Variants in NPAS3 observed in about 807,000 individuals in gnomAD.
NPAS3 encodes the protein neuronal PAS domain-containing protein 3.
In NPAS3, 14 loss-of-function variants were observed where a neutral mutation model predicts 73.1. That is an observed-to-expected ratio of 0.19 (90% CI 0.13 to 0.30). NPAS3 has a LOEUF of 0.30. NPAS3 is among the 10% of genes least tolerant of loss of function. The pLI is 1.00. For missense variants in NPAS3, 1,096 were observed against 1,250.0 expected (o/e 0.88, Z 1.86); for synonymous variants, 620 against 541.5 (o/e 1.14, Z -2.01).
At chr14:32,952,329 A>G (rs2036517171) in intron 1 of NPAS3, among the ~76,000 whole-genome samples, 1 of 152,084 alleles carries the variant, frequency 6.6e-6, no homozygotes, top group Non-Finnish European at 1.5e-5. Context: ...TTTCCCCCTC[A>G]TCACTCATCA....
At chr14:33,556,546 G>A (rs1595147709) in intron 4 of NPAS3, among the ~76,000 whole-genome samples, 1 of 152,234 alleles carries the variant, frequency 6.6e-6, no homozygotes, top group East Asian at 1.9e-4. Context: ...TTAGATGCCA[G>A]CTAGAGAAAG....
intron 6 of NPAS3, among the ~76,000 whole-genome samples, chr14:33,688,390 CTTT>C (rs928602321): frequency 6.6e-6 from 1 of 151,962 alleles, no homozygotes; most frequent in Non-Finnish European, 1.5e-5. Flanking sequence ...CTGTGGGAAA[CTTT>C]TTTTTAAGAG....
chr14:33,544,788 T>TTATATATATATATATATATATATATA lies in NPAS3; in HGVS notation c.469-15310_469-15309insATATATATATATATATATATATATAT, dbSNP rs71406561. ...GCATGTATGTGTTTATGTGTGTGTATTATATATATATATATATATATATGT... is the reference window on the plus strand; with the variant it reads ...GCATGTATGTGTTTATGTGTGTGTATTATATATATATATATATATATATATATATATATATATATATATATATATGT... On this transcript the variant is annotated intron_variant, in intron 4 of 11. Coordinates refer to ENST00000356141, the Ensembl canonical transcript of NPAS3. 2.2e-3 allele frequency among the ~76,000 whole-genome samples: 137 copies of TTATATATATATATATATATATATATA among 63,194 alleles called. 5 individuals carry two copies. The highest frequency in any genetic ancestry group is 0.011 in the African/African-American group (129 of 11,522). 41.5% of individuals were successfully genotyped at this position (63,194 alleles called of 152,430 possible).
Position 33,063,070 on chromosome 14 carries a change from A to G in NPAS3, c.140+7076A>G, listed in dbSNP as rs1959182. Reference sequence around the variant, plus strand: ...GATCTGGCTTTGATCCTAGCCCCACAATTATCTGTTACATGTGGGACAGTG... The same window carrying G: ...GATCTGGCTTTGATCCTAGCCCCACGATTATCTGTTACATGTGGGACAGTG... On this transcript the variant is annotated intron_variant, in intron 2 of 11. Coordinates refer to ENST00000356141, the Ensembl canonical transcript of NPAS3. 1.1e-3 allele frequency among the ~76,000 whole-genome samples: 169 copies of G among 152,118 alleles called. 8 individuals are homozygous for G. The South Asian group carries it at 0.034, about 30-fold the overall frequency.
intron 5 of NPAS3, among the ~76,000 whole-genome samples, chr14:33,587,446 G>A (rs1402078274): frequency 6.6e-6 from 1 of 152,162 alleles, no homozygotes. Context: ...GGGTGTCTCA[G>A]TAGGTTCCCT....
chr14:33,037,473 C>A (rs2040206479), intron 1 of NPAS3, among the ~76,000 whole-genome samples: 3 of 145,932 alleles, frequency 2.1e-5, no homozygotes, highest in South Asian at 2.2e-4. Context: ...AGTGAGACCC[C>A]ATCTCAGCAA....
intron 1 of NPAS3, among the ~76,000 whole-genome samples, chr14:33,032,558 G>A (rs1476805722): frequency 6.6e-6 from 1 of 152,122 alleles, no homozygotes; most frequent in Non-Finnish European, 1.5e-5. Context: ...TGAAGTCCTG[G>A]CCAGGGAATT....
chr14:33,079,000 A>C (rs933082142), intron 2 of NPAS3, among the ~76,000 whole-genome samples: 8 of 152,196 alleles, frequency 5.3e-5, no homozygotes, highest in African/African-American at 1.9e-4. Flanking sequence ...CCCAAAGTAA[A>C]TGCATAACTG....
At chr14:33,685,268 A>G (rs2060058564) in intron 6 of NPAS3, among the ~76,000 whole-genome samples, 1 of 152,206 alleles carries the variant, frequency 6.6e-6, no homozygotes, top group Non-Finnish European at 1.5e-5. Context: ...CGTAAGTAGG[A>G]TAGCATCATA....
At position 33,708,242 on chromosome 14, in the gene NPAS3, G is replaced by A. The variant is rs965539001; in HGVS notation, c.734-26972G>A. ...CAAGGCGGTGTCCTCGGAAGAAACC[G>A]CACAGTGATAGAATAATAGCAAATT... On this transcript the variant is annotated intron_variant, in intron 6 of 11. Transcript: ENST00000356141. Among the ~76,000 whole-genome samples the A allele has an allele frequency of 5.3e-5, 8 of 152,112 alleles. No homozygotes were observed. The East Asian group carries it at 1.2e-3, about 22-fold the overall frequency.
chr14:33,696,400 G>A (rs1487644870), intron 6 of NPAS3, among the ~76,000 whole-genome samples: 3 of 152,144 alleles, frequency 2.0e-5, no homozygotes, highest in Non-Finnish European at 4.4e-5. Context: ...AAAATGAAAC[G>A]AGTATTTATT....
At chr14:33,744,747 G>A (rs556957398) in intron 7 of NPAS3, among the ~76,000 whole-genome samples, 12 of 151,746 alleles carry the variant, frequency 7.9e-5, no homozygotes, top group East Asian at 7.8e-4. Flanking sequence ...CTGAGATTGC[G>A]CCACTGCACT....
chr14:33,116,625 A>G (rs1157456604), intron 2 of NPAS3, among the ~76,000 whole-genome samples: 9 of 152,088 alleles, frequency 5.9e-5, no homozygotes, highest in Non-Finnish European at 7.4e-5. Context: ...ATTTTCCCAC[A>G]TGAATGTTAC....
intron 5 of NPAS3, among the ~76,000 whole-genome samples, chr14:33,618,338 A>G (rs1166645671): frequency 2.6e-5 from 4 of 152,144 alleles, no homozygotes; most frequent in Admixed American, 2.6e-4. Context: ...ATAATGTAGA[A>G]TCAGTGGGAG....
intron 6 of NPAS3, among the ~76,000 whole-genome samples, chr14:33,687,876 C>G (rs937931353): frequency 2.6e-5 from 4 of 152,154 alleles, no homozygotes; most frequent in Non-Finnish European, 4.4e-5. Flanking sequence ...TAAACCACCT[C>G]CCAATAGGAG....
intron 1 of NPAS3, among the ~76,000 whole-genome samples, chr14:33,041,896 C>T (rs10138858): frequency 0.4 from 61,334 of 151,924 alleles, 14,981 homozygotes; most frequent in African/African-American, 0.69. Context: ...TGGTGTCTCA[C>T]TGTCCAGATG....
Position 33,705,799 on chromosome 14 carries a change from A to G in NPAS3, c.733+29414A>G, listed in dbSNP as rs188538663. ...ACTGAAAAACAAATCCACAAGAACA[A>G]TTTTACAGGGCTTGTCTTCTATTTT... On this transcript the variant is annotated intron_variant, in intron 6 of 11. Coordinates refer to ENST00000356141, the Ensembl canonical transcript of NPAS3. Among the ~76,000 whole-genome samples the G allele has an allele frequency of 3.9e-5, 6 of 152,356 alleles. No individual in the cohort carries two copies. The East Asian group carries it at 9.6e-4, about 24-fold the overall frequency.
intron 5 of NPAS3, among the ~76,000 whole-genome samples, chr14:33,667,148 C>CAAAGT (rs1555430900): frequency 2.0e-5 from 3 of 152,100 alleles, no homozygotes; most frequent in Non-Finnish European, 2.9e-5. Context: ...TATTTTTGTA[C>CAAAGT]AAAGTATTTA....
At chr14:33,396,952 T>C (rs1448395883) in intron 4 of NPAS3, among the ~76,000 whole-genome samples, 1 of 152,164 alleles carries the variant, frequency 6.6e-6, no homozygotes, top group African/African-American at 2.4e-5. Context: ...ACCTTCTTTA[T>C]ATGCTTTAGA....
Sources: gnomAD v4.1 joint callset for allele counts (sites outside exome capture counted in the v4.1 genomes callset) on GRCh38, gnomAD v4.1.1 for gene constraint, MANE v1.5 for transcripts, NCBI Gene and HGNC (gene_info 2026-07-23, HGNC 2026-07-21) for gene names.